The following GABRB1 variants were observed in gnomAD, a reference collection of about 807,000 sequenced individuals.
GABRB1 encodes the protein gamma-aminobutyric acid type A receptor subunit beta1, also known as gamma-aminobutyric acid receptor subunit beta-1.
Under a neutral mutation model 51.6 loss-of-function variants are expected in GABRB1, and 17 were observed. The ratio of observed to expected loss-of-function variants is 0.33; its 90% CI spans 0.23 to 0.49. The LOEUF (loss-of-function observed/expected upper bound fraction) is 0.49. Among genes scored for constraint, GABRB1 ranks in the 20% least tolerant of loss-of-function variants. The pLI, the probability that GABRB1 is intolerant of heterozygous loss-of-function variation, is 0.99. For missense variants in GABRB1, 410 were observed against 600.6 expected, an observed-to-expected ratio of 0.68 and a Z score of 3.32; for synonymous variants, 247 against 218.9, an observed-to-expected ratio of 1.13 and a Z score of -1.14.
rs1305298443 is a variant in GABRB1, at chr4:47,254,361, G to GGTTTTTTTTTTTTTTTTTT, written c.462-65766_462-65765insGTTTTTTTTTTTTTTTTTT. Among the ~76,000 whole-genome samples, 13 of 80,966 alleles carry GGTTTTTTTTTTTTTTTTTT rather than the reference G, an allele frequency of 1.6e-4. 5 individuals are homozygous for GGTTTTTTTTTTTTTTTTTT. The highest frequency in any genetic ancestry group is 1.4e-4 in the Non-Finnish European group (6 of 44,332). 53.1% of individuals were successfully genotyped at this position (80,966 alleles called of 152,430 possible). A position where few individuals can be genotyped will look rare whatever the true frequency, so the allele number is the denominator to read the frequency against. On this transcript the variant is annotated intron_variant, in intron 4 of 8. Transcript: ENST00000295454. ...ATGGTGGATGATGTTTCTTTTCTTT[G>GGTTTTTTTTTTTTTTTTTT]TTTTTTTTTTTTTTTTTTTTTTTTT... is the stretch of plus-strand genomic sequence containing the variant.
chr4:47,096,003 C>A (rs1250734807), intron 3 of GABRB1, among the ~76,000 whole-genome samples: 1 of 152,190 alleles, frequency 6.6e-6, no homozygotes, highest in Non-Finnish European at 1.5e-5. Context: ...TTGATCCCAT[C>A]TTCCTTCTAT....
intron 5 of GABRB1, among the ~76,000 whole-genome samples, chr4:47,388,549 A>G (rs371016630): frequency 6.6e-6 from 1 of 152,200 alleles, no homozygotes; most frequent in South Asian, 2.1e-4. Flanking sequence ...AAATCTGGGG[A>G]TACGTCCAAA....
In GABRB1 at chr4:47,137,689, A is replaced by G. The variant is rs113244616; in HGVS notation, c.241-23560A>G. 8.5e-3 allele frequency among the ~76,000 whole-genome samples: 1,292 copies of G among 152,242 alleles called. 12 individuals carry two copies. Among genetic ancestry groups the G allele is most frequent in the African/African-American group, 0.029 (1,208 of 41,544 alleles). On this transcript the variant is annotated intron_variant, in intron 3 of 8. Transcript: ENST00000295454. ...TAGGCTAATATGAATCAGAGTATCT[A>G]CCAAATGCTTATCAACTCTTCTTAC...
intron 5 of GABRB1, 55 bp from the exon 6 acceptor site, chr4:47,403,263 T>C: frequency 1.3e-6 from 2 of 1,594,472 alleles, no homozygotes; most frequent in Non-Finnish European, 1.7e-6. Context: ...TCCCAGATGG[T>C]ATTCAAAATG....
At chr4:47,034,219 A>T (rs1725456077) in intron 3 of GABRB1, among the ~76,000 whole-genome samples, 2 of 152,172 alleles carry the variant, frequency 1.3e-5, no homozygotes, top group Non-Finnish European at 2.9e-5. Flanking sequence ...TCAGAATTTT[A>T]AAAAATATAT....
chr4:47,083,793 A>G (rs1039828463), intron 3 of GABRB1, among the ~76,000 whole-genome samples: 3 of 151,958 alleles, frequency 2.0e-5, no homozygotes, highest in South Asian at 2.1e-4. Context: ...TACTAGTCCA[A>G]CTCAATAATT....
intron 4 of GABRB1, among the ~76,000 whole-genome samples, chr4:47,294,170 A>G (rs1723868232): frequency 6.6e-6 from 1 of 152,226 alleles, no homozygotes; most frequent in East Asian, 1.9e-4. Flanking sequence ...AGCTCCCAGC[A>G]TGAGCAACGC....
rs34390361 is a variant in GABRB1 at position 47,339,541 on chromosome 4, A to ATGTG, written c.544+19358_544+19361dup. 4.4e-3 allele frequency among the ~76,000 whole-genome samples: 656 copies of ATGTG among 148,464 alleles called. 1 individual carries two copies. Among genetic ancestry groups the ATGTG allele is most frequent in the African/African-American group, 0.012 (498 of 40,508 alleles). The stretch of plus-strand genomic sequence containing the variant: ...CATATTTATGTGTGTATGTGTGCAT[A>ATGTG]TGTGTGTGTGTGTGTGTGTGTGTGT... On this transcript the variant is annotated intron_variant, in intron 5 of 8. Coordinates refer to ENST00000295454, the MANE Select transcript of GABRB1 (RefSeq NM_000812.4).
intron 3 of GABRB1, among the ~76,000 whole-genome samples, chr4:47,121,893 T>A (rs1445587797): frequency 6.6e-6 from 1 of 152,206 alleles, no homozygotes; most frequent in East Asian, 1.9e-4. Flanking sequence ...CATACTTCAA[T>A]GCATTTAATT....
rs1714869448 is a variant in GABRB1 at position 47,104,535 on chromosome 4, CT to C, written c.241-56710del. On this transcript the variant is annotated intron_variant, in intron 3 of 8. Transcript: ENST00000295454. ...CTCTCTCTCTCTCTCTCTCTCTTTT[CT>C]TTTATCCAGGATTCCAATTACACAT... Among the ~76,000 whole-genome samples the C allele has an allele frequency of 2.0e-5, 3 of 147,692 alleles. No individual in the cohort carries two copies. The South Asian group carries it at 6.4e-4, about 32-fold the overall frequency.
intron 4 of GABRB1, among the ~76,000 whole-genome samples, chr4:47,255,644 T>C (rs956597289): frequency 6.6e-6 from 1 of 152,212 alleles, no homozygotes; most frequent in African/African-American, 2.4e-5. Context: ...CAAAGAGGCA[T>C]GCCAAGGGCT....
At chr4:47,326,032 T>C (rs116641084) in intron 5 of GABRB1, among the ~76,000 whole-genome samples, 3,179 of 152,300 alleles carry the variant, frequency 0.021, 136 homozygotes, top group African/African-American at 0.072. Flanking sequence ...ATTCCAGAAA[T>C]AAACTTTCAT....
At chr4:47,209,292 C>A (rs1374546131) in intron 4 of GABRB1, among the ~76,000 whole-genome samples, 1 of 152,012 alleles carries the variant, frequency 6.6e-6, no homozygotes, top group Non-Finnish European at 1.5e-5. Flanking sequence ...TGTTTTCAAG[C>A]CTTTCCATTT....
chr4:47,213,230 T>A (rs1049721752), intron 4 of GABRB1, among the ~76,000 whole-genome samples: 1 of 152,148 alleles, frequency 6.6e-6, no homozygotes, highest in African/African-American at 2.4e-5. Flanking sequence ...TATGCTTATC[T>A]CCTCATTGGT....
chr4:47,030,773 CA>C (rs1333933198), upstream of GABRB1, among the ~76,000 whole-genome samples: 1 of 152,158 alleles, frequency 6.6e-6, no homozygotes, highest in Non-Finnish European at 1.5e-5. Flanking sequence ...CTAGGGGTCA[CA>C]AATACCACCT....
chr4:47,396,168 A>C (rs965214464), intron 5 of GABRB1, among the ~76,000 whole-genome samples: 4 of 152,184 alleles, frequency 2.6e-5, no homozygotes, highest in African/African-American at 9.7e-5. Flanking sequence ...CCATGGCAGA[A>C]GGCAAGGAGG....
intron 5 of GABRB1, among the ~76,000 whole-genome samples, chr4:47,331,295 G>A (rs1229711956): frequency 6.6e-6 from 1 of 152,004 alleles, no homozygotes; most frequent in Admixed American, 6.6e-5. Flanking sequence ...CTGCTTCTTT[G>A]AAACTGTGAA....
At chr4:47,213,750 A>G (rs1348827936) in intron 4 of GABRB1, among the ~76,000 whole-genome samples, 2 of 151,678 alleles carry the variant, frequency 1.3e-5, no homozygotes, top group African/African-American at 4.8e-5. Context: ...TGTTCATTGT[A>G]AAATGTCTTC....
chr4:47,192,807 A>G (rs1426411462), intron 4 of GABRB1, among the ~76,000 whole-genome samples: 2 of 152,226 alleles, frequency 1.3e-5, no homozygotes, highest in Non-Finnish European at 2.9e-5. Flanking sequence ...TTATAGCTAA[A>G]CATTAAGAAT....
Sources: gnomAD v4.1 joint callset for allele counts (sites outside exome capture counted in the v4.1 genomes callset) on GRCh38, gnomAD v4.1.1 for gene constraint, MANE v1.5 for transcripts, NCBI Gene and HGNC (gene_info 2026-07-23, HGNC 2026-07-21) for gene names.